The following PLXDC1 variants were observed in gnomAD, a reference collection of about 807,000 sequenced individuals.
PLXDC1 encodes plexin domain-containing protein 1.
Under a neutral mutation model 61.3 loss-of-function variants are expected in PLXDC1, and 39 were observed. The ratio of observed to expected loss-of-function variants is 0.64; its 90% CI spans 0.49 to 0.83. The LOEUF (loss-of-function observed/expected upper bound fraction) is 0.83. Ranked by LOEUF, PLXDC1 falls within the 40% of genes least tolerant of loss-of-function variation. The probability of loss-of-function intolerance (pLI) is 0.00; values close to 1 mark genes in which losing one functional copy is unlikely to be tolerated. For synonymous variants in PLXDC1, 212 were observed against 254.5 expected (o/e 0.83, Z 1.59); for missense variants, 596 against 666.5 (o/e 0.89, Z 1.17).
intron 9 of PLXDC1, chr17:39,080,101 T>C (rs1567754877): frequency 1.9e-5 from 3 of 154,660 alleles, no homozygotes; most frequent in Non-Finnish European, 4.3e-5. Context: ...GGAAGGCTAT[T>C]GGAGGCTGAG....
At chr17:39,078,194 A>C (rs1042856715) in intron 10 of PLXDC1, 146 bp from the exon 11 acceptor site, 2 of 798,910 alleles carry the variant, frequency 2.5e-6, no homozygotes, top group African/African-American at 3.5e-5. Context: ...TCTTAAATAA[A>C]TAGAGCAAAT....
At chr17:39,115,901 A>C (rs1910950333) in intron 2 of PLXDC1, among the ~76,000 whole-genome samples, 1 of 152,016 alleles carries the variant, frequency 6.6e-6, no homozygotes, top group Non-Finnish European at 1.5e-5. Context: ...GGATCACCTG[A>C]TGTCCGGAGT....
At chr17:39,152,006 C>T (rs2045377159), upstream of PLXDC1, among the ~76,000 whole-genome samples, 1 of 152,158 alleles carries the variant, frequency 6.6e-6, no homozygotes, top group Non-Finnish European at 1.5e-5. Context: ...TTCCCCGCCC[C>T]CAGCTCCTCC....
intron 10 of PLXDC1, among the ~76,000 whole-genome samples, 181 bp from the exon 11 acceptor site, chr17:39,078,229 T>G (rs1909417849): frequency 6.6e-6 from 1 of 152,132 alleles, no homozygotes; most frequent in Non-Finnish European, 1.5e-5. Context: ...ACAGCTAACT[T>G]CAAAAGTAGG....
chr17:39,105,828 C>A (rs1910571424), intron 7 of PLXDC1, 26 bp downstream of exon 7: 1 of 1,482,042 alleles, frequency 6.7e-7, no homozygotes, highest in Admixed American at 1.7e-5. Context: ...CCCATCAAGG[C>A]CTCTGCGGGG....
At chr17:39,118,162 CTCTT>C (rs902852437) in intron 2 of PLXDC1, among the ~76,000 whole-genome samples, 2 of 122,246 alleles carry the variant, frequency 1.6e-5, no homozygotes, top group Non-Finnish European at 3.5e-5. Flanking sequence ...TCCTTCCTTT[CTCTT>C]TCTTTCTTTC....
intron 2 of PLXDC1, chr17:39,111,767 G>C (rs967476534): frequency 6.6e-6 from 1 of 152,270 alleles, no homozygotes; most frequent in East Asian, 1.9e-4. Flanking sequence ...AAAGCCACCT[G>C]GTAGGGGGGC....
chr17:39,096,846 G>T, intron 7 of PLXDC1: 1 of 454,398 alleles, frequency 2.2e-6, no homozygotes. Context: ...ATTGACTTCC[G>T]GCGGTCTCCC....
At chr17:39,138,653 GGGGGCAGGCCCCA>G (rs1911831230) in intron 2 of PLXDC1, among the ~76,000 whole-genome samples, 1 of 151,928 alleles carries the variant, frequency 6.6e-6, no homozygotes, top group African/African-American at 2.4e-5. Context: ...AGAAAGGGAA[GGGGGCAGGCCCCA>G]GGGGAGAGGA....
chr17:39,152,696 G>C, upstream of PLXDC1: 1 of 1,233,678 alleles, frequency 8.1e-7, no homozygotes, highest in Middle Eastern at 2.2e-4. Context: ...AAATTTTCCA[G>C]GAGGAGGGAT....
At position 39,077,860 on chromosome 17, in the gene PLXDC1, G is replaced by T. The variant is rs1598185432; in HGVS notation, c.1186+53C>A. The T allele has an allele frequency of 3.1e-6, 5 of 1,600,918 alleles. No homozygotes were observed. In the East Asian group the frequency reaches 1.1e-4, roughly 36 times the overall value. The stretch of plus-strand genomic sequence containing the variant: ...CAGAGAGGGGGCCCCAGAGGGGTGG[G>T]TAGCTCTCCTTCCTGGCCTCCTCTC... On this transcript the variant is annotated intron_variant, in intron 11 of 13. Transcript: ENST00000315392.
At chr17:39,100,265 C>T (rs1428847894) in intron 7 of PLXDC1, among the ~76,000 whole-genome samples, 1 of 152,168 alleles carries the variant, frequency 6.6e-6, no homozygotes, top group East Asian at 1.9e-4. Context: ...GACAGAGTTT[C>T]ACTCTTTCAC....
At chr17:39,122,107 A>T (rs1597653180) in intron 2 of PLXDC1, among the ~76,000 whole-genome samples, 2 of 112,566 alleles carry the variant, frequency 1.8e-5, no homozygotes, top group South Asian at 3.8e-4. Context: ...AAAAAAAAAA[A>T]AAAAGGGGGG....
chr17:39,128,165 A>ATATATATGTGTATGTG (rs766005933), intron 2 of PLXDC1, among the ~76,000 whole-genome samples: 1 of 99,146 alleles, frequency 1.0e-5, no homozygotes, highest in Non-Finnish European at 1.9e-5. Flanking sequence ...ATATATATGT[A>ATATATATGTGTATGTG]TATATATGTA....
At chr17:39,101,825 A>G (rs1365756402) in intron 7 of PLXDC1, among the ~76,000 whole-genome samples, 2 of 152,146 alleles carry the variant, frequency 1.3e-5, no homozygotes, top group African/African-American at 4.8e-5. Context: ...GCCCTCTGCC[A>G]TCTCCCTCGA....
chr17:39,151,649 T>C (rs1597664894), upstream of PLXDC1: 1 of 617,314 alleles, frequency 1.6e-6, no homozygotes, highest in Non-Finnish European at 1.8e-6. The surrounding 1 kb of genome is among the most constrained non-coding windows in gnomAD (Gnocchi z 5.2). Flanking sequence ...GGCGGGGAGC[T>C]GGGGGGGCCG....
intron 2 of PLXDC1, among the ~76,000 whole-genome samples, chr17:39,123,008 G>A (rs1175777608): frequency 1.3e-5 from 2 of 152,164 alleles, no homozygotes; most frequent in African/African-American, 4.8e-5. Flanking sequence ...AGCCCGTGAA[G>A]CGCTCCTCAG....
chr17:39,079,244 C>T, intron 9 of PLXDC1, 80 bp from the exon 10 acceptor site: 2 of 1,236,270 alleles, frequency 1.6e-6, no homozygotes, highest in South Asian at 2.4e-5. Context: ...TAACAGCTCT[C>T]TGCTGATAGT....
At chr17:39,112,481 G>A (rs1367881909) in intron 2 of PLXDC1, among the ~76,000 whole-genome samples, 2 of 116,964 alleles carry the variant, frequency 1.7e-5, no homozygotes, top group Non-Finnish European at 3.3e-5. Flanking sequence ...TTTTTGAGAC[G>A]GAGTCTTGCT....
Sources: gnomAD v4.1 joint callset for allele counts (sites outside exome capture counted in the v4.1 genomes callset) on GRCh38, gnomAD v4.1.1 for gene constraint, Gnocchi (gnomAD v3.1) non-coding constraint, MANE v1.5 for transcripts, NCBI Gene and HGNC (gene_info 2026-07-23, HGNC 2026-07-21) for gene names.